The following VWA8 variants were observed in gnomAD, a reference collection of about 807,000 sequenced individuals.
VWA8 encodes the protein von Willebrand factor A domain containing 8.
Under a neutral mutation model 241.5 loss-of-function variants are expected in VWA8, and 221 were observed. The ratio of observed to expected loss-of-function variants is 0.91; its 90% CI spans 0.82 to 1.02. The LOEUF (loss-of-function observed/expected upper bound fraction) is 1.02, where lower values mean the gene tolerates loss of function less well. Among genes scored for constraint, VWA8 ranks in the 50% least tolerant of loss-of-function variants. The pLI is 0.00. For missense variants in VWA8, 2,322 were observed against 2,328.7 expected (o/e 1.00, Z 0.06); for synonymous variants, 852 against 827.1 (o/e 1.03, Z -0.52).
At position 41,829,530 on chromosome 13, in the gene VWA8, TACACACACACACAC is replaced by T. The variant is rs71096546; in HGVS notation, c.1700+985_1700+998del. On this transcript the variant is annotated intron_variant, in intron 14 of 44. Coordinates refer to ENST00000379310, the MANE Select transcript of VWA8 (RefSeq NM_015058.2). ...CAACGAGTGGATAAAGGAAATGTGATACACACACACACACACACACACACACACACACACACATG... is the reference window on the plus strand; with the variant it reads ...CAACGAGTGGATAAAGGAAATGTGATACACACACACACACACACACACATG... 4.4e-3 allele frequency among the ~76,000 whole-genome samples: 613 copies of T among 139,832 alleles called. 5 individuals are homozygous for T. The highest frequency in any genetic ancestry group is 0.014 in the African/African-American group (560 of 38,890). The allele number at this position is 139,832 out of a possible 152,430, so 91.7% of individuals were successfully genotyped here. A position where few individuals can be genotyped will look rare whatever the true frequency, so the allele number is the denominator to read the frequency against.
chr13:41,821,580 C>T (rs910835812), intron 14 of VWA8, among the ~76,000 whole-genome samples: 1 of 151,654 alleles, frequency 6.6e-6, no homozygotes, highest in Non-Finnish European at 1.5e-5. Context: ...GAGATAAGTG[C>T]CATTAAAATT....
intron 30 of VWA8, 38 bp from the exon 31 acceptor site, chr13:41,691,976 G>T (rs1370853101): frequency 1.5e-6 from 2 of 1,350,592 alleles, no homozygotes; most frequent in African/African-American, 1.4e-5. Flanking sequence ...TATTAAATGT[G>T]TCAGATACAG....
intron 30 of VWA8, among the ~76,000 whole-genome samples, chr13:41,692,560 C>T (rs936490085): frequency 6.6e-6 from 1 of 151,994 alleles, no homozygotes; most frequent in African/African-American, 2.4e-5. Flanking sequence ...TAAATTGACT[C>T]CATGATCAGA....
intron 2 of VWA8, chr13:41,926,010 G>A (rs747233672): frequency 1.2e-4 from 49 of 411,164 alleles, no homozygotes; most frequent in Non-Finnish European, 1.9e-4. Flanking sequence ...AAGAGCTTCT[G>A]AGGGAAAGTT....
intron 21 of VWA8, among the ~76,000 whole-genome samples, chr13:41,748,305 C>G (rs554095454): frequency 1.3e-5 from 2 of 152,174 alleles, no homozygotes; most frequent in African/African-American, 2.4e-5. Context: ...AGAGATTCAA[C>G]TTTTTCCTGG....
At chr13:41,919,692 A>G (rs1876422652) in intron 2 of VWA8, among the ~76,000 whole-genome samples, 1 of 151,928 alleles carries the variant, frequency 6.6e-6, no homozygotes, top group Non-Finnish European at 1.5e-5. Flanking sequence ...TGATGCTCTC[A>G]CTGGGGACCC....
chr13:41,882,332 G>A (rs1874270876), intron 9 of VWA8, among the ~76,000 whole-genome samples: 1 of 150,766 alleles, frequency 6.6e-6, no homozygotes, highest in Non-Finnish European at 1.5e-5. Flanking sequence ...GGGCAGCCAG[G>A]CAGAGGGGCT....
chr13:41,944,598 C>T (rs1281842883), intron 2 of VWA8, among the ~76,000 whole-genome samples: 1 of 152,184 alleles, frequency 6.6e-6, no homozygotes, highest in African/African-American at 2.4e-5. Flanking sequence ...CAGGCGTGAG[C>T]CCAATTGTTT....
At chr13:41,829,933 A>G (rs1043383515) in intron 14 of VWA8, among the ~76,000 whole-genome samples, 2 of 152,114 alleles carry the variant, frequency 1.3e-5, no homozygotes, top group African/African-American at 4.8e-5. Flanking sequence ...CTATTGAAAT[A>G]AAAAATTTTT....
intron 26 of VWA8, among the ~76,000 whole-genome samples, chr13:41,717,319 T>C (rs897483524): frequency 6.6e-5 from 10 of 151,738 alleles, no homozygotes; most frequent in Non-Finnish European, 8.8e-5. Context: ...ATTCAAATAT[T>C]TTAAAATATT....
At chr13:41,859,922 A>C (rs766608805) in intron 12 of VWA8, among the ~76,000 whole-genome samples, 3 of 152,208 alleles carry the variant, frequency 2.0e-5, no homozygotes, top group African/African-American at 2.4e-5. Flanking sequence ...TGGTGTATCT[A>C]CTTTTTCCCA....
At chr13:41,852,583 T>C (rs1189706285) in intron 12 of VWA8, among the ~76,000 whole-genome samples, 2 of 152,186 alleles carry the variant, frequency 1.3e-5, no homozygotes, top group Non-Finnish European at 2.9e-5. Flanking sequence ...AGTAGTTTTA[T>C]AGTTTCAGTC....
At position 41,605,261 on chromosome 13, in the gene VWA8, T is replaced by C. The variant is rs1566384562; in HGVS notation, c.4893A>G (p.Gln1631=). 1 of 1,612,906 alleles carries C rather than the reference T, an allele frequency of 6.2e-7. No homozygotes were observed. The highest frequency in any genetic ancestry group is 1.1e-5 in the South Asian group (1 of 91,046). Residue 1631 remains glutamine (Q), a synonymous_variant, in exon 40 of 45, where the codon CAA becomes CAG. Transcript: ENST00000379310. ...AGGTTGCAGCATCGTATTCACTCAT[T>C]TGGATCTCCTTTAGCCTGAAATCAG... The part of the protein sequence containing the change: ...RAFQQRLKEI[Q]MSEYDAATYE...
At chr13:41,718,136 A>C (rs949468033) in intron 26 of VWA8, among the ~76,000 whole-genome samples, 1 of 151,968 alleles carries the variant, frequency 6.6e-6, no homozygotes, top group African/African-American at 2.4e-5. Context: ...GAGTAGAAAA[A>C]GAAATTGTTT....
intron 26 of VWA8, among the ~76,000 whole-genome samples, chr13:41,707,836 A>T (rs1450439577): frequency 6.6e-6 from 1 of 152,102 alleles, no homozygotes; most frequent in Non-Finnish European, 1.5e-5. Context: ...CCCAAGTGCC[A>T]ATTCAAATGT....
chr13:41,795,388 T>C (rs964029781), intron 17 of VWA8, among the ~76,000 whole-genome samples: 1 of 152,232 alleles, frequency 6.6e-6, no homozygotes, highest in African/African-American at 2.4e-5. Flanking sequence ...GACAATGTGA[T>C]GATTCCTCAA....
intron 17 of VWA8, among the ~76,000 whole-genome samples, chr13:41,804,440 A>G (rs11617910): frequency 0.17 from 25,347 of 152,048 alleles, 2,234 homozygotes; most frequent in Middle Eastern, 0.22. Context: ...AAGGAGAAAT[A>G]TAGACTTTCC....
chr13:41,806,910 A>G (rs1870237967), intron 17 of VWA8, among the ~76,000 whole-genome samples: 1 of 152,042 alleles, frequency 6.6e-6, no homozygotes, highest in South Asian at 2.1e-4. Flanking sequence ...TAATGAAATG[A>G]AAAGTTAGTT....
At chr13:41,652,907 T>A (rs1190714730) in intron 37 of VWA8, among the ~76,000 whole-genome samples, 1 of 152,218 alleles carries the variant, frequency 6.6e-6, no homozygotes, top group Non-Finnish European at 1.5e-5. Context: ...TCATTAGTTG[T>A]TGAAGTTCCA....
Sources: allele counts gnomAD v4.1 joint callset (sites outside exome capture counted in the v4.1 genomes callset), GRCh38; gene constraint gnomAD v4.1.1; transcripts MANE v1.5; gene names NCBI Gene and HGNC (gene_info 2026-07-23, HGNC 2026-07-21).